The following YAP1 variants were observed in gnomAD, a reference collection of about 807,000 sequenced individuals.
The protein encoded by YAP1 is transcriptional coactivator YAP1.
In YAP1, 5 loss-of-function variants were observed where a neutral mutation model predicts 56.9. The observed-to-expected ratio is 0.09, with a 90% CI of 0.05 to 0.18. YAP1 has a LOEUF of 0.18. Among genes scored for constraint, YAP1 ranks in the 10% least tolerant of loss-of-function variants. The pLI is 1.00. For missense variants in YAP1, 539 were observed against 651.8 expected (o/e 0.83, Z 1.88); for synonymous variants, 265 against 248.1 (o/e 1.07, Z -0.64).
intron 6 of YAP1, among the ~76,000 whole-genome samples, chr11:102,217,014 C>T (rs894788914): frequency 2.0e-5 from 3 of 152,152 alleles, no homozygotes; most frequent in East Asian, 1.9e-4. Flanking sequence ...GAGCTATCTA[C>T]GCTGTAAGTA....
intron 2 of YAP1, among the ~76,000 whole-genome samples, chr11:102,118,282 A>G (rs1428195008): frequency 6.6e-6 from 1 of 152,136 alleles, no homozygotes; most frequent in Non-Finnish European, 1.5e-5. Context: ...CGAAGATTCA[A>G]GGTTTTTTGT....
In YAP1 at chr11:102,150,802, G is replaced by GT. The variant is rs370378973; in HGVS notation, c.573-11637dup. On this transcript the variant is annotated intron_variant, in intron 2 of 8. Transcript: ENST00000282441. ...TTCAGTGAAAACATACATACAAATG[G>GT]TTTTTTTTTTTTTTTTTGGAGACAG... Among the ~76,000 whole-genome samples the GT allele has an allele frequency of 6.0e-3, 651 of 108,060 alleles. 14 individuals carry two copies. Among genetic ancestry groups the GT allele is most frequent in the Admixed American group, 0.01 (95 of 9,178 alleles). The allele number at this position is 108,060 out of a possible 152,430, so 70.9% of individuals were successfully genotyped here.
At chr11:102,154,356 C>T (rs2135364463) in intron 2 of YAP1, among the ~76,000 whole-genome samples, 1 of 152,204 alleles carries the variant, frequency 6.6e-6, no homozygotes, top group East Asian at 1.9e-4. Context: ...GAAGGGAAGA[C>T]ATTTAATCTG....
Position 102,223,652 on chromosome 11 carries a change from C to CT in YAP1, c.1064dup (p.Glu356GlyfsTer26). 6.2e-7 allele frequency: 1 copy of CT among 1,614,152 alleles called. No homozygotes were observed. Among genetic ancestry groups the CT allele is most frequent in the Non-Finnish European group, 8.5e-7 (1 of 1,180,002 alleles). ...AGCCCTGCGTAGCCAGTTACCAACA[C>CT]TGGAGCAGGATGGTGGGACTCAAAA... On this transcript the variant is annotated frameshift_variant, in exon 7 of 9. Transcript: ENST00000282441. LOFTEE classifies it high-confidence loss of function.
chr11:102,166,946 T>C (rs978797673), intron 3 of YAP1, among the ~76,000 whole-genome samples: 1 of 152,228 alleles, frequency 6.6e-6, no homozygotes, highest in African/African-American at 2.4e-5. Flanking sequence ...GGATGAAAGA[T>C]CTTTTAAGAT....
chr11:102,228,634 CAAAAAAAAA>C (rs71059544), intron 8 of YAP1, among the ~76,000 whole-genome samples: 1,491 of 31,648 alleles, frequency 0.047, 51 homozygotes, highest in African/African-American at 0.1. Flanking sequence ...GACTCCGTCT[CAAAAAAAAA>C]AAAAAAAAAA....
intron 6 of YAP1, among the ~76,000 whole-genome samples, chr11:102,210,846 G>A (rs919012993): frequency 2.6e-5 from 4 of 151,822 alleles, no homozygotes; most frequent in Non-Finnish European, 5.9e-5. Flanking sequence ...TCCGCCTTCC[G>A]GGTTCACACC....
intron 2 of YAP1, among the ~76,000 whole-genome samples, chr11:102,114,980 T>C (rs1943189606): frequency 1.3e-5 from 2 of 152,182 alleles, no homozygotes; most frequent in African/African-American, 4.8e-5. Context: ...ATGCAGTCGC[T>C]CAGTGGCAAA....
intron 2 of YAP1, among the ~76,000 whole-genome samples, chr11:102,132,289 A>G (rs547528629): frequency 3.7e-4 from 57 of 152,366 alleles, no homozygotes; most frequent in African/African-American, 1.3e-3. Context: ...CAGAGCTGCC[A>G]AAAGGTTTTC....
intron 2 of YAP1, among the ~76,000 whole-genome samples, chr11:102,121,555 T>C (rs932167151): frequency 6.6e-6 from 1 of 152,174 alleles, no homozygotes; most frequent in Non-Finnish European, 1.5e-5. Flanking sequence ...GTGAATCCTC[T>C]CTTTGGTCAA....
At chr11:102,143,515 T>A (rs934385960) in intron 2 of YAP1, among the ~76,000 whole-genome samples, 2 of 152,314 alleles carry the variant, frequency 1.3e-5, no homozygotes, top group Admixed American at 1.3e-4. Context: ...TTCACCAACA[T>A]TAGCCAGCAC....
At chr11:102,213,562 C>T (rs949845469) in intron 6 of YAP1, among the ~76,000 whole-genome samples, 1 of 152,202 alleles carries the variant, frequency 6.6e-6, no homozygotes. Context: ...AACTCTGCAA[C>T]TGGCTCATGG....
At chr11:102,178,761 G>A (rs1398023774) in intron 3 of YAP1, among the ~76,000 whole-genome samples, 1 of 152,038 alleles carries the variant, frequency 6.6e-6, no homozygotes, top group Non-Finnish European at 1.5e-5. Flanking sequence ...ATTTTGTGTT[G>A]CTATAAAGGA....
intron 3 of YAP1, among the ~76,000 whole-genome samples, chr11:102,172,858 A>G (rs1052025156): frequency 1.3e-5 from 2 of 152,090 alleles, no homozygotes; most frequent in Admixed American, 1.3e-4. Flanking sequence ...GAGCCATGTG[A>G]ATATCTGGGG....
At chr11:102,125,529 A>G (rs1755837256) in intron 2 of YAP1, among the ~76,000 whole-genome samples, 1 of 151,594 alleles carries the variant, frequency 6.6e-6, no homozygotes, top group Non-Finnish European at 1.5e-5. Flanking sequence ...GGCATGCGTC[A>G]TCATGCCTGG....
In YAP1 at chr11:102,112,332, A is replaced by T. The variant is rs187460778; in HGVS notation, c.321+1163A>T. 2.8e-4 allele frequency: 252 copies of T among 896,558 alleles called. No homozygotes were observed. The African/African-American group carries it at 4.2e-3, about 15-fold the overall frequency. 55.5% of individuals were successfully genotyped at this position (896,558 alleles called of 1,614,324 possible). On this transcript the variant is annotated intron_variant, in intron 1 of 8. Transcript: ENST00000282441. ...CCAACTTGATTCAGCATAGAAGTGA[A>T]ACTGTTTATAATGAGTGTTAACATT... is the stretch of plus-strand genomic sequence containing the variant.
intron 2 of YAP1, among the ~76,000 whole-genome samples, chr11:102,132,091 C>A (rs1273182734): frequency 1.3e-5 from 2 of 151,924 alleles, no homozygotes; most frequent in Non-Finnish European, 2.9e-5. Flanking sequence ...GCATCCCAGC[C>A]TGGGCAACAG....
Position 102,114,157 on chromosome 11 carries a change from C to A in YAP1, c.335C>A (p.Ala112Glu), listed in dbSNP as rs1010169084. ...KSHSRQASTD[A>E]GTAGALTPQH... ...ATTCCCTAATAGGCCAGTACTGATG[C>A]AGGCACTGCAGGAGCCCTGACTCCA... The change falls in exon 2 of 9, where the codon GCA becomes GAA. Residue 112 changes from alanine (A) to glutamate (E), a missense_variant. This residue lies in a region of YAP1 where 414 missense variants were observed against 512.4 expected (regional missense o/e 0.81). Transcript: ENST00000282441. 1 of 1,613,734 alleles carries A rather than the reference C, an allele frequency of 6.2e-7. No homozygotes were observed. Among genetic ancestry groups the A allele is most frequent in the Non-Finnish European group, 8.5e-7 (1 of 1,179,778 alleles).
At chr11:102,130,731 T>TTTC (rs1944327308) in intron 2 of YAP1, among the ~76,000 whole-genome samples, 1 of 137,298 alleles carries the variant, frequency 7.3e-6, no homozygotes, top group African/African-American at 3.5e-5. Flanking sequence ...TTTTTTTTTT[T>TTTC]TTTTTTTTTT....
Sources: gnomAD v4.1 joint callset for allele counts (sites outside exome capture counted in the v4.1 genomes callset) on GRCh38, gnomAD v4.1.1 for gene constraint, gnomAD v4.1.1 regional missense constraint, MANE v1.5 for transcripts, NCBI Gene and HGNC (gene_info 2026-07-23, HGNC 2026-07-21) for gene names.